CTBP2: variants seen among roughly 807,000 people sequenced by gnomAD.
CTBP2 encodes the protein C-terminal-binding protein 2.
CTBP2 carries 30 observed loss-of-function variants against 80.3 expected under a neutral mutation model. The ratio of observed to expected loss-of-function variants is 0.37; its 90% CI spans 0.28 to 0.51. The LOEUF (loss-of-function observed/expected upper bound fraction) is 0.51. CTBP2 is among the 20% of genes least tolerant of loss of function. The pLI is 0.93. For missense variants in CTBP2, 1,212 were observed against 1,375.3 expected, an observed-to-expected ratio of 0.88 and a Z score of 1.88; for synonymous variants, 594 against 587.4, an observed-to-expected ratio of 1.01 and a Z score of -0.16.
At chr10:125,105,881 C>T (rs1028008644) in intron 2 of CTBP2, among the ~76,000 whole-genome samples, 9 of 152,232 alleles carry the variant, frequency 5.9e-5, no homozygotes, top group African/African-American at 1.7e-4. Context: ...ATTTGCACAT[C>T]GGCATCTACG....
At chr10:125,113,140 T>C (rs1852592229) in intron 1 of CTBP2, among the ~76,000 whole-genome samples, 1 of 152,176 alleles carries the variant, frequency 6.6e-6, no homozygotes, top group African/African-American at 2.4e-5. Context: ...AGGAAGTAGA[T>C]GGGAGACAGA....
At chr10:125,063,940 T>C (rs1844228382) in intron 2 of CTBP2, among the ~76,000 whole-genome samples, 1 of 152,078 alleles carries the variant, frequency 6.6e-6, no homozygotes, top group Admixed American at 6.5e-5. Context: ...AGTGCCACCT[T>C]CCAGGGGTGC....
intron 1 of CTBP2, among the ~76,000 whole-genome samples, chr10:125,144,315 G>A (rs1007588858): frequency 6.6e-6 from 1 of 152,200 alleles, no homozygotes; most frequent in African/African-American, 2.4e-5. Flanking sequence ...TATTGGTGGA[G>A]GAGAACCAGT....
rs1371683122 is a variant in CTBP2, at chr10:124,987,594, TTGTTCCCTGGGGTAATAGG to T, written c.*1905_*1923del. 1 of 152,186 alleles carries T rather than the reference TTGTTCCCTGGGGTAATAGG, an allele frequency of 6.6e-6. No homozygotes were observed. The highest frequency in any genetic ancestry group is 1.9e-4 in the East Asian group (1 of 5,194). The allele number at this position is 152,186 out of a possible 1,614,324, so 9.4% of individuals were successfully genotyped here. On this transcript the variant is annotated 3_prime_UTR_variant, in exon 9 of 9. Coordinates refer to ENST00000309035, the MANE Select transcript of CTBP2 (RefSeq NM_022802.3). ...GTTACGAAGACGTTAAACTACCTTT[TTGTTCCCTGGGGTAATAGG>T]TCAGTAACTATGAGCGCCGTCTCTC...
chr10:125,135,826 G>A (rs962620965), intron 1 of CTBP2, among the ~76,000 whole-genome samples: 4 of 152,206 alleles, frequency 2.6e-5, no homozygotes, highest in South Asian at 2.1e-4. Context: ...CCCACAGCAG[G>A]AGCGTACCTG....
chr10:125,136,404 T>C (rs1185473686), intron 1 of CTBP2, among the ~76,000 whole-genome samples: 1 of 152,178 alleles, frequency 6.6e-6, no homozygotes, highest in Non-Finnish European at 1.5e-5. Context: ...GTCAGCTCCT[T>C]GCAGGCAGGA....
chr10:125,012,052 T>TG (rs1955986861), intron 1 of CTBP2, among the ~76,000 whole-genome samples: 1 of 152,250 alleles, frequency 6.6e-6, no homozygotes, highest in Non-Finnish European at 1.5e-5. Context: ...GCTGACTCAC[T>TG]GGGCCTGAAA....
intron 2 of CTBP2, among the ~76,000 whole-genome samples, chr10:125,089,598 GAA>G (rs1564892816): frequency 6.6e-6 from 1 of 152,174 alleles, no homozygotes; most frequent in African/African-American, 2.4e-5. Flanking sequence ...CAAAGTGGCT[GAA>G]CACACCCAGA....
At chr10:125,142,407 G>A (rs983841742) in intron 1 of CTBP2, among the ~76,000 whole-genome samples, 11 of 152,078 alleles carry the variant, frequency 7.2e-5, no homozygotes, top group Admixed American at 3.9e-4. Context: ...CAAACTCCTC[G>A]CACTTCCTAG....
chr10:124,992,213 T>C (rs1952750014), intron 8 of CTBP2, among the ~76,000 whole-genome samples: 2 of 145,544 alleles, frequency 1.4e-5, no homozygotes, highest in African/African-American at 5.2e-5. Context: ...GAAGCCCTTT[T>C]TTTTTTTTTT....
intron 1 of CTBP2, among the ~76,000 whole-genome samples, chr10:125,020,124 T>C (rs1476586421): frequency 1.3e-5 from 2 of 152,228 alleles, no homozygotes; most frequent in Non-Finnish European, 2.9e-5. Flanking sequence ...CTCAGGTACT[T>C]ATGCCCTTGG....
chr10:125,081,004 C>T lies in CTBP2; in HGVS notation c.-102+29986G>A, dbSNP rs140998760. Reference sequence around the variant, plus strand: ...ATAATAGCTTTACAGTGGAGAAAGACGGACTCGATCTTAGCCAAGTGATCA... The same window carrying T: ...ATAATAGCTTTACAGTGGAGAAAGATGGACTCGATCTTAGCCAAGTGATCA... On this transcript the variant is annotated intron_variant, in intron 2 of 10. Coordinates refer to the CTBP2 transcript ENST00000337195. Among the ~76,000 whole-genome samples, 670 of 151,194 alleles carry T rather than the reference C, an allele frequency of 4.4e-3. 3 individuals carry two copies. Among genetic ancestry groups the T allele is most frequent in the African/African-American group, 0.014 (591 of 41,218 alleles).
At position 125,067,198 on chromosome 10, in the gene CTBP2, T is replaced by TAG. The variant is rs1383872815; in HGVS notation, c.-101-28045_-101-28044dup. ...GAGAAAAACATCACACAAACTGCAG[T>TAG]AGAGGGACAATCCACAAAATATACT... is the stretch of plus-strand genomic sequence containing the variant. On this transcript the variant is annotated intron_variant, in intron 2 of 10. Transcript: ENST00000337195. Among the ~76,000 whole-genome samples, 4 of 152,182 alleles carry TAG rather than the reference T, an allele frequency of 2.6e-5. No homozygotes were observed. In the East Asian group the frequency reaches 7.7e-4, roughly 29 times the overall value.
At chr10:125,097,350 CT>C (rs1263970274) in intron 2 of CTBP2, among the ~76,000 whole-genome samples, 2 of 152,198 alleles carry the variant, frequency 1.3e-5, no homozygotes, top group African/African-American at 4.8e-5. Flanking sequence ...ACTCATCAAC[CT>C]GGGAGAAAAG....
intron 8 of CTBP2, among the ~76,000 whole-genome samples, chr10:124,992,221 T>TTTA (rs1038447656): frequency 2.0e-5 from 3 of 149,598 alleles, no homozygotes; most frequent in African/African-American, 7.3e-5. Context: ...TTTTTTTTTT[T>TTTA]TTTTTTTGGT....
At chr10:125,019,808 A>G (rs752441191) in intron 1 of CTBP2, among the ~76,000 whole-genome samples, 1 of 152,228 alleles carries the variant, frequency 6.6e-6, no homozygotes, top group East Asian at 1.9e-4. Flanking sequence ...CTCCAAATTA[A>G]AACTTTCATG....
intron 1 of CTBP2, among the ~76,000 whole-genome samples, chr10:125,112,974 G>A (rs147065948): frequency 8.5e-4 from 130 of 152,266 alleles, no homozygotes; most frequent in African/African-American, 2.9e-3. Context: ...CCGACAGCCA[G>A]CTCCTGCTCC....
intron 4 of CTBP2, chr10:124,997,456 C>A (rs1953775919): frequency 6.0e-6 from 1 of 167,084 alleles, no homozygotes; most frequent in South Asian, 1.5e-4. Context: ...CTCACGTCTC[C>A]TTTTCCTGCC....
intron 2 of CTBP2, among the ~76,000 whole-genome samples, chr10:125,101,028 A>G (rs1850537255): frequency 6.6e-6 from 1 of 152,250 alleles, no homozygotes; most frequent in Admixed American, 6.5e-5. Flanking sequence ...CATTCTATCA[A>G]TTAAATCTTG....
Sources: allele counts gnomAD v4.1 joint callset (sites outside exome capture counted in the v4.1 genomes callset), GRCh38; gene constraint gnomAD v4.1.1; transcripts MANE v1.5; gene names NCBI Gene and HGNC (gene_info 2026-07-23, HGNC 2026-07-21).